TENM1: variants seen among roughly 807,000 people sequenced by gnomAD.
TENM1 encodes teneurin-1.
A neutral mutation model predicts 174.8 loss-of-function variants in TENM1; 35 were observed. The observed-to-expected ratio is 0.20, with a 90% CI of 0.15 to 0.27. The LOEUF (loss-of-function observed/expected upper bound fraction) is 0.27, where lower values mean the gene tolerates loss of function less well. Ranked by LOEUF, TENM1 falls within the 10% of genes least tolerant of loss-of-function variation. TENM1 has a pLI of 1.00. For synonymous variants in TENM1, 781 were observed against 798.7 expected (o/e 0.98, Z 0.37); for missense variants, 1,633 against 2,130.1 (o/e 0.77, Z 4.59).
chrX:125,193,780 T>C, the TENM1 span, among the ~76,000 whole-genome samples: 1 of 110,487 alleles, frequency 9.1e-6, no homozygotes, highest in East Asian at 2.9e-4. Context: ...GACTTTATCT[T>C]CAGATCTGTA....
intron 12 of TENM1, among the ~76,000 whole-genome samples, chrX:124,564,365 T>C (rs750088644): frequency 1.8e-5 from 2 of 112,015 alleles, no homozygotes; most frequent in African/African-American, 6.5e-5. Flanking sequence ...TACATTACTT[T>C]GGCAAGCTCC....
At chrX:124,757,405 C>A (rs1209950371) in intron 3 of TENM1, among the ~76,000 whole-genome samples, 1 of 112,627 alleles carries the variant, frequency 8.9e-6, no homozygotes, top group Non-Finnish European at 1.9e-5. Flanking sequence ...TCACCCCTTT[C>A]TTTGACTAGG....
At chrX:125,136,499 G>A in the TENM1 span, among the ~76,000 whole-genome samples, 1 of 111,719 alleles carries the variant, frequency 9.0e-6, no homozygotes, top group African/African-American at 3.3e-5. Flanking sequence ...GTTAAGTAAC[G>A]TGCTGCAGGT....
At chrX:125,197,930 T>C in the TENM1 span, among the ~76,000 whole-genome samples, 1 of 112,030 alleles carries the variant, frequency 8.9e-6, no homozygotes, top group East Asian at 2.8e-4. Flanking sequence ...AGCTACAAAT[T>C]GACAGAAAAG....
chrX:124,918,045 A>T (rs2057955671), intron 1 of TENM1, among the ~76,000 whole-genome samples: 1 of 112,016 alleles, frequency 8.9e-6, no homozygotes, highest in African/African-American at 3.3e-5. Flanking sequence ...ACAAACAGAA[A>T]CCTTCTCTAC....
At chrX:125,170,524 C>T in the TENM1 span, among the ~76,000 whole-genome samples, 1 of 111,228 alleles carries the variant, frequency 9.0e-6, no homozygotes, top group Non-Finnish European at 1.9e-5. Context: ...ACGATCTCAC[C>T]ATTCCTAATA....
chrX:124,380,586 T>C (rs1465588160), exon 32 of TENM1: 3 of 1,210,449 alleles, frequency 2.5e-6, no homozygotes, highest in Admixed American at 2.2e-5. Flanking sequence ...TTATTGGCAC[T>C]GTCAGAAAGT....
chrX:124,471,703 AATAATAT>A (rs2061335849), intron 22 of TENM1, among the ~76,000 whole-genome samples: 1 of 88,930 alleles, frequency 1.1e-5, no homozygotes, highest in Non-Finnish European at 2.1e-5. Flanking sequence ...TATAATATAG[AATAATAT>A]GTAATATACA....
chrX:124,856,289 A>G lies in TENM1; in HGVS notation c.535+38007T>C, dbSNP rs903837246. On this transcript the variant is annotated intron_variant, in intron 3 of 31. Coordinates refer to ENST00000422452, the Ensembl canonical transcript of TENM1. ...CTTGTCATTCTAGAGAAATCATGTC[A>G]CCTTAAGGCATCCTTTAAAATACAG... Among the ~76,000 whole-genome samples, 4 of 110,890 alleles carry G rather than the reference A, an allele frequency of 3.6e-5. No homozygotes were observed. In the East Asian group the frequency reaches 1.1e-3, roughly 31 times the overall value.
exon 29 of TENM1, chrX:124,385,744 A>G: frequency 8.3e-7 from 1 of 1,210,763 alleles, no homozygotes; most frequent in Non-Finnish European, 1.1e-6. Flanking sequence ...TAATCACTCC[A>G]GAAGACTCTT....
At chrX:124,963,681 T>C (rs756510107) in exon 1 of TENM1, 8 of 1,211,770 alleles carry the variant, frequency 6.6e-6, no homozygotes, top group Non-Finnish European at 7.8e-6. Flanking sequence ...TCAGAAGAAC[T>C]GGTGTAAGCT....
chrX:125,110,740 T>C, the TENM1 span, among the ~76,000 whole-genome samples: 2 of 112,211 alleles, frequency 1.8e-5, no homozygotes, highest in Admixed American at 1.9e-4. Context: ...CTAATTTTTA[T>C]GTGCCAATTT....
exon 18 of TENM1, chrX:124,520,703 G>C: frequency 8.3e-7 from 1 of 1,210,394 alleles, no homozygotes; most frequent in East Asian, 3.0e-5. Context: ...ATCCGTAGCA[G>C]GGTTTTATAC....
chrX:125,079,188 A>C, the TENM1 span, among the ~76,000 whole-genome samples: 4 of 111,395 alleles, frequency 3.6e-5, no homozygotes, highest in Admixed American at 3.8e-4. Flanking sequence ...AATAAGATAT[A>C]AAAATAATAA....
chrX:124,486,559 C>G (rs2046958133), intron 21 of TENM1, among the ~76,000 whole-genome samples: 1 of 111,838 alleles, frequency 8.9e-6, no homozygotes, highest in Non-Finnish European at 1.9e-5. Context: ...TGAACAAATT[C>G]AATTTTCTCC....
chrX:124,600,140 G>A (rs377668318), intron 11 of TENM1, among the ~76,000 whole-genome samples: 2 of 110,528 alleles, frequency 1.8e-5, no homozygotes, highest in African/African-American at 3.3e-5. Context: ...ACCTAGTGCC[G>A]AGAACAGAAC....
rs746384601 is a variant in TENM1, at chrX:124,652,143, T to A, written c.1369-19A>T. 1 of 1,204,340 alleles carries A rather than the reference T, an allele frequency of 8.3e-7. No individual in the cohort carries two copies. The stretch of plus-strand genomic sequence containing the variant: ...AATCAAACTGGAACAAATACAAACA[T>A]GAAGATGAGCCACTACTTTTTCTTC... On this transcript the variant is annotated intron_variant, in intron 7 of 31. Transcript: ENST00000422452.
intron 13 of TENM1, among the ~76,000 whole-genome samples, chrX:124,562,672 C>T (rs966483996): frequency 1.1e-4 from 12 of 112,556 alleles, no homozygotes; most frequent in African/African-American, 2.3e-4. Flanking sequence ...TCTTTGTACC[C>T]GTAGTCTGGA....
At chrX:124,850,811 G>C (rs1012823021) in intron 3 of TENM1, among the ~76,000 whole-genome samples, 1 of 111,149 alleles carries the variant, frequency 9.0e-6, no homozygotes, top group Non-Finnish European at 1.9e-5. Flanking sequence ...ATGGATGTTA[G>C]GAAATATCAC....
Sources: gnomAD v4.1 joint callset for allele counts (sites outside exome capture counted in the v4.1 genomes callset) on GRCh38, gnomAD v4.1.1 for gene constraint, MANE v1.5 for transcripts, NCBI Gene and HGNC (gene_info 2026-07-23, HGNC 2026-07-21) for gene names.